Variants in TRUB1 observed in about 807,000 individuals in gnomAD.
TRUB1 encodes the protein TruB pseudouridine synthase family member 1.
A neutral mutation model predicts 33.9 loss-of-function variants in TRUB1; 23 were observed. The ratio of observed to expected loss-of-function variants is 0.68; its 90% CI spans 0.49 to 0.96. The LOEUF is 0.96. Ranked by LOEUF, TRUB1 falls within the 40% of genes least tolerant of loss-of-function variation. The probability of loss-of-function intolerance (pLI) is 0.00; values close to 1 mark genes in which losing one functional copy is unlikely to be tolerated. For synonymous variants in TRUB1, 163 were observed against 165.4 expected (o/e 0.99, Z 0.11); for missense variants, 378 against 422.2 (o/e 0.90, Z 0.92).
chr10:114,941,939 C>T (rs1426111470), intron 1 of TRUB1, among the ~76,000 whole-genome samples: 1 of 152,104 alleles, frequency 6.6e-6, no homozygotes, highest in Non-Finnish European at 1.5e-5. Context: ...CACCCGCCAC[C>T]ACGTCCGGCT....
At chr10:114,958,184 T>C (rs1251262998) in intron 3 of TRUB1, among the ~76,000 whole-genome samples, 1 of 152,210 alleles carries the variant, frequency 6.6e-6, no homozygotes, top group African/African-American at 2.4e-5. Flanking sequence ...GCTGTTACCA[T>C]TGTTGTACTT....
Position 114,938,326 on chromosome 10 carries a change from G to T in TRUB1, c.73G>T (p.Ala25Ser). 6.2e-7 allele frequency: 1 copy of T among 1,613,982 alleles called. No homozygotes were observed. Among genetic ancestry groups the T allele is most frequent in the East Asian group, 2.2e-5 (1 of 44,876 alleles). The stretch of plus-strand genomic sequence containing the variant: ...AGACACATCCCCTGTCCTTGAAACT[G>T]CAGGAACGGTCGCAGCAATGGCTGC... ...KTDTSPVLET[A>S]GTVAAMAATP... Residue 25 changes from alanine to serine, a missense_variant, in exon 1 of 8, where the codon GCA (alanine) becomes TCA (serine). Coordinates refer to ENST00000298746, the MANE Select transcript of TRUB1 (RefSeq NM_139169.5).
chr10:114,941,986 G>A (rs1315022835), intron 1 of TRUB1, among the ~76,000 whole-genome samples: 1 of 151,922 alleles, frequency 6.6e-6, no homozygotes, highest in Non-Finnish European at 1.5e-5. Context: ...GTGTTTCACC[G>A]TGTTAGCCAG....
intron 3 of TRUB1, among the ~76,000 whole-genome samples, chr10:114,952,509 G>GTAGA (rs938640526): frequency 1.3e-5 from 2 of 152,044 alleles, no homozygotes; most frequent in South Asian, 2.1e-4. Context: ...AGGTAGGTAG[G>GTAGA]TAGATAGATA....
rs779573464 is a variant in TRUB1, at chr10:114,938,379, G to A, written c.126G>A (p.Ala42=). ...AATPSARAAA[A]VVAAAARTGS... is the part of the protein sequence containing the mutation. The stretch of plus-strand genomic sequence containing the variant: ...CCCCGTCAGCAAGGGCTGCAGCCGC[G>A]GTGGTTGCGGCCGCGGCCAGGACCG... Residue 42 remains alanine, a synonymous_variant, in exon 1 of 8, where the codon GCG becomes GCA. Transcript: ENST00000298746. The A allele has an allele frequency of 1.9e-6, 3 of 1,609,328 alleles. No homozygotes were observed. Among genetic ancestry groups the A allele is most frequent in the Admixed American group, 1.7e-5 (1 of 58,774 alleles).
Position 114,959,707 on chromosome 10 carries a change from CTT to C in TRUB1, c.442-18_442-17del, listed in dbSNP as rs1398983676. ...GTTTGCCTCACGGCCCATTTTCTCT[CTT>C]GTTTCCCTTCCTCTAGAGATATACT... On this transcript the variant is annotated splice_polypyrimidine_tract_variant and intron_variant, in intron 3 of 7. Transcript: ENST00000298746. The C allele has an allele frequency of 2.9e-5, 45 of 1,568,272 alleles. 1 individual carries two copies. The highest frequency in any genetic ancestry group is 1.9e-4 in the South Asian group (17 of 89,928).
intron 6 of TRUB1, among the ~76,000 whole-genome samples, chr10:114,974,039 C>CT (rs1174921845): frequency 6.6e-6 from 1 of 152,130 alleles, no homozygotes; most frequent in East Asian, 1.9e-4. Context: ...AGATTTCTAA[C>CT]TATTTAAAAC....
chr10:114,944,552 G>A (rs1027894847), intron 2 of TRUB1, among the ~76,000 whole-genome samples: 9 of 152,034 alleles, frequency 5.9e-5, no homozygotes, highest in South Asian at 2.1e-4. Context: ...CCAGCTACTC[G>A]GGAGGCTGAG....
rs371213005 is a variant in TRUB1 at position 114,965,806 on chromosome 10, A to G, written c.524-4562A>G. On this transcript the variant is annotated intron_variant, in intron 4 of 7. Coordinates refer to ENST00000298746, the MANE Select transcript of TRUB1 (RefSeq NM_139169.5). ...TAATTTTTTCTCCTAGGAATTTGTC[A>G]TCTCATCTAAAATTTCAAAAATATT... Among the ~76,000 whole-genome samples the G allele has an allele frequency of 7.9e-5, 12 of 152,170 alleles. No individual in the cohort carries two copies. In the East Asian group the frequency reaches 1.4e-3, roughly 17 times the overall value.
chr10:114,966,755 GGT>G (rs1178562501), intron 4 of TRUB1, among the ~76,000 whole-genome samples: 4 of 152,104 alleles, frequency 2.6e-5, no homozygotes, highest in African/African-American at 9.7e-5. Flanking sequence ...ATAGTTCATT[GGT>G]GGTATATAGA....
chr10:114,949,948 G>T (rs1436950301), intron 2 of TRUB1, among the ~76,000 whole-genome samples: 10 of 148,918 alleles, frequency 6.7e-5, no homozygotes, highest in Non-Finnish European at 4.4e-5. Flanking sequence ...ACCCAGGCTG[G>T]AGTGCAATGG....
At chr10:114,958,907 G>GGATCACCGAGGTGGACCTCA (rs1177645030) in intron 3 of TRUB1, among the ~76,000 whole-genome samples, 1 of 151,502 alleles carries the variant, frequency 6.6e-6, no homozygotes, top group African/African-American at 2.4e-5. Context: ...AGGCCGAGGT[G>GGATCACCGAGGTGGACCTCA]GGTGGATCAC....
At position 114,942,707 on chromosome 10, in the gene TRUB1, G is replaced by A. The variant is rs1284650614; in HGVS notation, c.349G>A (p.Gly117Arg). 1 of 1,614,042 alleles carries A rather than the reference G, an allele frequency of 6.2e-7. No homozygotes were observed. Among genetic ancestry groups the A allele is most frequent in the Non-Finnish European group, 8.5e-7 (1 of 1,179,940 alleles). The change falls in exon 2 of 8, where the codon GGA becomes AGA. Residue 117 changes from glycine to arginine, a missense_variant. By Grantham distance (125) the Gly-to-Arg change is moderately radical. Coordinates refer to ENST00000298746, the MANE Select transcript of TRUB1 (RefSeq NM_139169.5). ...AAAGCAGACTTTGAAAATTGGGCAT[G>A]GAGGGACTCTAGACAGCGCAGCCCG... Reference protein sequence around the residue: ...RKKQTLKIGHGGTLDSAARGV... With the variant: ...RKKQTLKIGHRGTLDSAARGV...
chr10:114,968,156 A>G (rs1343318313), intron 4 of TRUB1, among the ~76,000 whole-genome samples: 2 of 152,172 alleles, frequency 1.3e-5, no homozygotes, highest in African/African-American at 4.8e-5. Context: ...AAAAATGTGT[A>G]TGATTAATTA....
At chr10:114,939,587 C>A (rs893475740) in intron 1 of TRUB1, among the ~76,000 whole-genome samples, 10 of 152,290 alleles carry the variant, frequency 6.6e-5, no homozygotes, top group African/African-American at 2.4e-4. Context: ...ACTGACAGTA[C>A]AGATTTAAGT....
At chr10:114,968,064 G>A (rs1564701503) in intron 4 of TRUB1, among the ~76,000 whole-genome samples, 2 of 151,918 alleles carry the variant, frequency 1.3e-5, no homozygotes, top group African/African-American at 2.4e-5. Context: ...TTCATTGGTG[G>A]GATAATACGT....
At chr10:114,947,656 C>G (rs2084216981) in intron 2 of TRUB1, among the ~76,000 whole-genome samples, 1 of 152,140 alleles carries the variant, frequency 6.6e-6, no homozygotes, top group Admixed American at 6.5e-5. Flanking sequence ...TTAAACTTAA[C>G]ATTGTAACAT....
At chr10:114,952,420 G>T (rs561459176) in intron 3 of TRUB1, among the ~76,000 whole-genome samples, 1 of 152,244 alleles carries the variant, frequency 6.6e-6, no homozygotes, top group Non-Finnish European at 1.5e-5. Flanking sequence ...CAGCGTGGGT[G>T]ACAGAGTGAG....
rs767230684 is a variant in TRUB1 at position 114,938,431 on chromosome 10, G to A, written c.178G>A (p.Ala60Thr). 1 of 1,596,442 alleles carries A rather than the reference G, an allele frequency of 6.3e-7. No individual in the cohort carries two copies. The highest frequency in any genetic ancestry group is 1.1e-5 in the South Asian group (1 of 89,164). The change falls in exon 1 of 8, where the codon GCT becomes ACT. Residue 60 changes from alanine (A) to threonine (T), a missense_variant. Coordinates refer to ENST00000298746, the MANE Select transcript of TRUB1 (RefSeq NM_139169.5). Reference protein sequence around the residue: ...TGSEARVSKAALATKLLSLSG... With the variant: ...TGSEARVSKATLATKLLSLSG... ...ATCCGAAGCCAGGGTCTCCAAGGCC[G>A]CTTTGGCTACCAAGCTGCTGTCCTT...
Sources: gnomAD v4.1 joint callset for allele counts (sites outside exome capture counted in the v4.1 genomes callset) on GRCh38, gnomAD v4.1.1 for gene constraint, MANE v1.5 for transcripts, NCBI Gene and HGNC (gene_info 2026-07-23, HGNC 2026-07-21) for gene names.